ITGB2: variants seen among roughly 807,000 people sequenced by gnomAD.
ITGB2 encodes the protein integrin subunit beta 2, also known as integrin beta-2.
In ITGB2, 56 loss-of-function variants were observed where a neutral mutation model predicts 86.8. That is an observed-to-expected ratio of 0.65 (90% CI 0.52 to 0.81). The LOEUF (loss-of-function observed/expected upper bound fraction) is 0.81. ITGB2 is among the 30% of genes least tolerant of loss of function. The probability of loss-of-function intolerance (pLI) is 0.00; values close to 1 mark genes in which losing one functional copy is unlikely to be tolerated. For synonymous variants in ITGB2, 457 were observed against 450.4 expected, an observed-to-expected ratio of 1.01 and a Z score of -0.19; for missense variants, 948 against 1,061.2, an observed-to-expected ratio of 0.89 and a Z score of 1.48.
rs1466186480 is a variant in ITGB2 at position 44,888,702 on chromosome 21, CA to C, written c.2070del (p.Asp690GlufsTer25). The stretch of plus-strand genomic sequence containing the variant: ...ACCCCAGCGGCCTCACCTCGGCTCT[CA>C]TCCACATAGATGAGGTAGCGGTCCA... ...DGMDRYLIYVDESRECVAGPN... is the reference protein window; with the variant it reads ...DGMDRYLIYVXESRECVAGPN... On this transcript the variant is annotated frameshift_variant, in exon 14 of 16. Transcript: ENST00000652462. LOFTEE classifies it high-confidence loss of function. 2.4e-5 allele frequency: 39 copies of C among 1,608,784 alleles called. No homozygotes were observed. Among genetic ancestry groups the C allele is most frequent in the Non-Finnish European group, 3.2e-5 (38 of 1,179,954 alleles).
At chr21:44,899,216 G>A in intron 7 of ITGB2, 54 bp from the exon 8 acceptor site, 1 of 1,331,752 alleles carries the variant, frequency 7.5e-7, no homozygotes, top group South Asian at 1.2e-5. Context: ...AAGGCTTCCA[G>A]GTACCCGCCC....
intron 11 of ITGB2, among the ~76,000 whole-genome samples, 169 bp from the exon 12 acceptor site, chr21:44,890,391 G>C (rs74397353): frequency 6.6e-6 from 1 of 152,194 alleles, no homozygotes; most frequent in African/African-American, 2.4e-5. Flanking sequence ...TGCTCAAAAC[G>C]TGCAGGGGCC....
Position 44,901,362 on chromosome 21 carries a change from C to T in ITGB2, c.741+130G>A. 3 of 1,203,988 alleles carry T rather than the reference C, an allele frequency of 2.5e-6. No individual in the cohort carries two copies. The Admixed American group carries it at 6.9e-5, about 28-fold the overall frequency. The allele number at this position is 1,203,988 out of a possible 1,614,324, so 74.6% of individuals were successfully genotyped here. On this transcript the variant is annotated intron_variant, in intron 6 of 15. Coordinates refer to ENST00000652462, the MANE Select transcript of ITGB2 (RefSeq NM_000211.5). ...GGCAGCAGCAGGGTGAGGAGCTGCT[C>T]TCCCCAGGCCCAGGCTGGAGTCCCT...
chr21:44,891,751 A>C, intron 11 of ITGB2, 58 bp downstream of exon 11: 1 of 1,578,110 alleles, frequency 6.3e-7, no homozygotes, highest in South Asian at 1.1e-5. Context: ...ACCTGCCGAC[A>C]CCTGCCCTGT....
intron 1 of ITGB2, among the ~76,000 whole-genome samples, chr21:44,918,359 G>A (rs2084242171): frequency 6.6e-6 from 1 of 152,266 alleles, no homozygotes. Flanking sequence ...ATCCACAGAG[G>A]CAAATGTCCC....
intron 1 of ITGB2, among the ~76,000 whole-genome samples, chr21:44,917,810 A>G (rs528587487): frequency 4.6e-5 from 7 of 152,336 alleles, no homozygotes; most frequent in African/African-American, 1.4e-4. Flanking sequence ...GGCTGTTTAC[A>G]AATCAGCTGG....
In ITGB2 at chr21:44,918,699, C is replaced by A. The variant is rs571855785; in HGVS notation, c.-4+2122G>T. ...CCCCAGGGAGTCTCCTGGTGGTGGC[C>A]GTGTTGCCTCAGGCTCACTGTGCAC... is the stretch of plus-strand genomic sequence containing the variant. On this transcript the variant is annotated intron_variant, in intron 1 of 15. Coordinates refer to ENST00000652462, the MANE Select transcript of ITGB2 (RefSeq NM_000211.5). Among the ~76,000 whole-genome samples, 264 of 152,336 alleles carry A rather than the reference C, an allele frequency of 1.7e-3. 1 individual carries two copies. Among genetic ancestry groups the A allele is most frequent in the Non-Finnish European group, 3.3e-3 (222 of 68,028 alleles).
chr21:44,907,676 G>A (rs2146540391), intron 3 of ITGB2, among the ~76,000 whole-genome samples: 1 of 152,366 alleles, frequency 6.6e-6, no homozygotes, highest in East Asian at 1.9e-4. Flanking sequence ...TCCCGTCACT[G>A]GCCCCGAGCC....
chr21:44,889,151 A>G, intron 13 of ITGB2, 125 bp downstream of exon 13: 2 of 930,066 alleles, frequency 2.2e-6, no homozygotes, highest in Non-Finnish European at 3.3e-6. Flanking sequence ...CTCAGTCCAG[A>G]CGCACCCGCA....
chr21:44,888,629 C>T, intron 14 of ITGB2, 64 bp downstream of exon 14: 1 of 1,556,662 alleles, frequency 6.4e-7, no homozygotes, highest in Non-Finnish European at 8.8e-7. Context: ...ACCACCCTCG[C>T]CTCTGCGGAG....
intron 6 of ITGB2, 83 bp from the exon 7 acceptor site, chr21:44,900,558 C>G: frequency 2.6e-6 from 4 of 1,556,622 alleles, no homozygotes; most frequent in Non-Finnish European, 3.5e-6. Context: ...CGATGCAGAG[C>G]TGGTGGGGTG....
At chr21:44,927,960 G>A (rs752056934) in intron 1 of ITGB2, 1 of 152,324 alleles carries the variant, frequency 6.6e-6, no homozygotes, top group Non-Finnish European at 1.5e-5. Context: ...GTAGGAAGGA[G>A]GGAGGGCTGC....
chr21:44,920,338 C>T (rs574724848), intron 1 of ITGB2, among the ~76,000 whole-genome samples: 27 of 152,294 alleles, frequency 1.8e-4, no homozygotes, highest in Non-Finnish European at 3.1e-4. Context: ...AACCACACCA[C>T]ACCATATCAC....
chr21:44,891,709 G>A, intron 11 of ITGB2, 100 bp downstream of exon 11: 1 of 1,357,222 alleles, frequency 7.4e-7, no homozygotes, highest in Non-Finnish European at 1.0e-6. Flanking sequence ...CCGTGGGGTG[G>A]GGGAAGGGAT....
At chr21:44,905,242 G>A (rs112196465) in intron 4 of ITGB2, among the ~76,000 whole-genome samples, 4 of 152,104 alleles carry the variant, frequency 2.6e-5, no homozygotes, top group Non-Finnish European at 4.4e-5. Context: ...AGATCCTGCC[G>A]CCCTGCTCTG....
intron 8 of ITGB2, among the ~76,000 whole-genome samples, chr21:44,898,458 C>T (rs1056882533): frequency 2.0e-5 from 3 of 152,254 alleles, no homozygotes; most frequent in Non-Finnish European, 2.9e-5. Flanking sequence ...GGTTCCTGAG[C>T]TCTGCAAGTC....
At chr21:44,902,896 G>A (rs909584566) in intron 5 of ITGB2, among the ~76,000 whole-genome samples, 1 of 152,246 alleles carries the variant, frequency 6.6e-6, no homozygotes, top group African/African-American at 2.4e-5. Flanking sequence ...CGGCCGGCGG[G>A]GAAGACATGC....
chr21:44,893,226 A>G (rs4818740), intron 10 of ITGB2, 178 bp downstream of exon 10: 1 of 664,922 alleles, frequency 1.5e-6, no homozygotes, highest in Non-Finnish European at 2.6e-6. Context: ...GCTCCCAGAC[A>G]GCCTCTGATG....
Position 44,889,982 on chromosome 21 carries a change from G to T in ITGB2, c.1653C>A (p.Gly551=), listed in dbSNP as rs762895748. Residue 551 remains glycine (G), a synonymous_variant, in exon 12 of 16, where the codon GGC becomes GGA. Transcript: ENST00000652462. ...AGCAGGGACCCACGGGCTCACCCGG[G>T]CCGCCGCAGACCTGGCCGTTGTAGC... is the stretch of plus-strand genomic sequence containing the variant. ...CERYNGQVCG[G]PGRGLCFCGK... 15 of 1,613,066 alleles carry T rather than the reference G, an allele frequency of 9.3e-6. No individual in the cohort carries two copies. The highest frequency in any genetic ancestry group is 1.3e-5 in the Non-Finnish European group (15 of 1,180,002).
Sources: allele counts gnomAD v4.1 joint callset (sites outside exome capture counted in the v4.1 genomes callset), GRCh38; gene constraint gnomAD v4.1.1; transcripts MANE v1.5; gene names NCBI Gene and HGNC (gene_info 2026-07-23, HGNC 2026-07-21).